The following RIN3 variants were observed in gnomAD, a reference collection of about 807,000 sequenced individuals.
RIN3 encodes the protein RAB5 interacting protein 3.
A neutral mutation model predicts 76.3 loss-of-function variants in RIN3; 54 were observed. The observed-to-expected ratio is 0.71, with a 90% CI of 0.57 to 0.89. RIN3 has a LOEUF of 0.89. RIN3 is among the 40% of genes least tolerant of loss of function. The pLI is 0.00. For synonymous variants in RIN3, 576 were observed against 564.0 expected (o/e 1.02, Z -0.30); for missense variants, 1,256 against 1,322.1 (o/e 0.95, Z 0.78).
intron 3 of RIN3, among the ~76,000 whole-genome samples, chr14:92,606,317 T>C (rs969052942): frequency 1.3e-5 from 2 of 152,074 alleles, no homozygotes; most frequent in South Asian, 2.1e-4. Context: ...GGTGGAAGGA[T>C]TGCTTGAGCC....
chr14:92,641,473 AG>A, intron 5 of RIN3, 144 bp downstream of exon 5: 1 of 639,318 alleles, frequency 1.6e-6, no homozygotes, highest in Non-Finnish European at 2.8e-6. Flanking sequence ...CAGGCTGCTG[AG>A]CCACGTGATA....
intron 3 of RIN3, among the ~76,000 whole-genome samples, chr14:92,584,606 A>G (rs1884698442): frequency 6.6e-6 from 1 of 152,028 alleles, no homozygotes. Context: ...CAGAGGCCCG[A>G]TGTGTGTGGA....
intron 1 of RIN3, among the ~76,000 whole-genome samples, chr14:92,548,152 GTGTT>G (rs1022288917): frequency 1.3e-5 from 2 of 152,152 alleles, no homozygotes; most frequent in African/African-American, 4.8e-5. Flanking sequence ...GTCACTGTGT[GTGTT>G]TGTGTGTATT....
chr14:92,653,124 A>G, intron 6 of RIN3, 49 bp downstream of exon 6: 1 of 1,541,822 alleles, frequency 6.5e-7, no homozygotes, highest in Non-Finnish European at 8.7e-7. Flanking sequence ...GGTGGGGCTC[A>G]CAGACTCAGG....
intron 1 of RIN3, among the ~76,000 whole-genome samples, chr14:92,545,493 G>A (rs796455607): frequency 3.0e-4 from 45 of 151,486 alleles, no homozygotes; most frequent in African/African-American, 9.0e-4. Context: ...CACTCCTTTC[G>A]CCAGATTCAT....
intron 7 of RIN3, among the ~76,000 whole-genome samples, chr14:92,672,660 A>ATATGTGTGTGTGTG (rs371612916): frequency 6.7e-6 from 1 of 148,396 alleles, no homozygotes; most frequent in Non-Finnish European, 1.5e-5. Context: ...ATGTGTGTGC[A>ATATGTGTGTGTGTG]TGTGTGTGTG....
intron 4 of RIN3, among the ~76,000 whole-genome samples, chr14:92,622,147 GC>G (rs2140110642): frequency 6.6e-6 from 1 of 152,306 alleles, no homozygotes; most frequent in East Asian, 1.9e-4. Flanking sequence ...GGGCCAAGCA[GC>G]CATTGCAACT....
chr14:92,671,186 A>C (rs1888274935), intron 7 of RIN3, among the ~76,000 whole-genome samples: 1 of 152,154 alleles, frequency 6.6e-6, no homozygotes, highest in African/African-American at 2.4e-5. Context: ...CCCTCAGCAC[A>C]CTCACGATGT....
At chr14:92,661,653 G>A (rs1327621766) in intron 7 of RIN3, among the ~76,000 whole-genome samples, 2 of 151,702 alleles carry the variant, frequency 1.3e-5, no homozygotes, top group Non-Finnish European at 2.9e-5. Flanking sequence ...GAACCCGGGA[G>A]GCAGACGTTG....
intron 7 of RIN3, among the ~76,000 whole-genome samples, chr14:92,661,593 G>A (rs141107852): frequency 0.04 from 6,116 of 152,076 alleles, 414 homozygotes; most frequent in African/African-American, 0.14. Flanking sequence ...GTGTGTTGGC[G>A]GGCGCCTGTG....
chr14:92,626,352 A>G (rs7151638), intron 4 of RIN3, among the ~76,000 whole-genome samples: 151,914 of 152,276 alleles, frequency 1, 75,777 homozygotes, highest in Non-Finnish European at 1. Flanking sequence ...CATTAATTCG[A>G]CCCAGGTATA....
chr14:92,518,789 C>CTGTGTG (rs61124300), intron 1 of RIN3, among the ~76,000 whole-genome samples: 3,718 of 128,350 alleles, frequency 0.029, 98 homozygotes, highest in African/African-American at 0.032. Flanking sequence ...TAAGGGTGGC[C>CTGTGTG]TGTGTGTGTG....
intron 3 of RIN3, among the ~76,000 whole-genome samples, chr14:92,601,887 G>A (rs1372820892): frequency 6.6e-6 from 1 of 152,232 alleles, no homozygotes; most frequent in Non-Finnish European, 1.5e-5. Flanking sequence ...ATAGCTCCCA[G>A]ACAAAGTCCT....
At chr14:92,653,444 C>T (rs530226061) in intron 6 of RIN3, among the ~76,000 whole-genome samples, 1 of 152,162 alleles carries the variant, frequency 6.6e-6, no homozygotes, top group Non-Finnish European at 1.5e-5. Flanking sequence ...CTGGCTGAGG[C>T]TGAGTTCATC....
intron 3 of RIN3, among the ~76,000 whole-genome samples, chr14:92,608,964 C>A (rs937312230): frequency 6.6e-6 from 1 of 152,054 alleles, no homozygotes; most frequent in African/African-American, 2.4e-5. Flanking sequence ...GTGATGATTT[C>A]TGAGATTTTG....
intron 3 of RIN3, among the ~76,000 whole-genome samples, chr14:92,589,977 C>A (rs1173164206): frequency 6.6e-6 from 1 of 152,220 alleles, no homozygotes; most frequent in Non-Finnish European, 1.5e-5. Context: ...CAGAGAACTG[C>A]AGCTTGCCAG....
intron 3 of RIN3, among the ~76,000 whole-genome samples, chr14:92,589,023 A>G (rs1190817387): frequency 6.6e-6 from 1 of 152,170 alleles, no homozygotes; most frequent in East Asian, 1.9e-4. Flanking sequence ...GACTGACAGC[A>G]TCCTCCCCAT....
intron 6 of RIN3, 123 bp downstream of exon 6, chr14:92,653,198 C>G (rs999561361): frequency 7.5e-6 from 8 of 1,069,188 alleles, no homozygotes; most frequent in Non-Finnish European, 1.0e-5. Context: ...CTATCCCTTC[C>G]TGGGCACCAG....
At chr14:92,576,549 G>A (rs887803350) in intron 2 of RIN3, among the ~76,000 whole-genome samples, 1 of 152,202 alleles carries the variant, frequency 6.6e-6, no homozygotes, top group Non-Finnish European at 1.5e-5. Context: ...CCAGTGTCCG[G>A]GGGCCGAATC....
Sources: allele counts gnomAD v4.1 joint callset (sites outside exome capture counted in the v4.1 genomes callset), GRCh38; gene constraint gnomAD v4.1.1; transcripts MANE v1.5; gene names NCBI Gene and HGNC (gene_info 2026-07-23, HGNC 2026-07-21).